SAMD5: variants seen among roughly 807,000 people sequenced by gnomAD.
SAMD5 encodes the protein sterile alpha motif domain-containing protein 5.
SAMD5 carries 13 observed loss-of-function variants against 11.3 expected under a neutral mutation model. That is an observed-to-expected ratio of 1.15 (90% confidence interval 0.75 to 1.83). SAMD5 has a LOEUF of 1.83. Ranked by LOEUF, SAMD5 falls within the 40% of genes most tolerant of loss-of-function variation. The pLI is 0.00. For missense variants in SAMD5, 255 were observed against 239.1 expected (o/e 1.07, Z -0.44); for synonymous variants, 129 against 111.3 (o/e 1.16, Z -1.00).
intron 1 of SAMD5, among the ~76,000 whole-genome samples, chr6:147,676,832 T>TAGATCTC (rs1790869801): frequency 9.8e-5 from 1 of 10,172 alleles, no homozygotes; most frequent in Non-Finnish European, 1.8e-4. Context: ...GGCCTGGGGG[T>TAGATCTC]GGGGGTGGGG....
intron 1 of SAMD5, among the ~76,000 whole-genome samples, chr6:147,650,854 G>A (rs1481366172): frequency 6.6e-6 from 1 of 152,170 alleles, no homozygotes; most frequent in Non-Finnish European, 1.5e-5. Context: ...TGCAATTTTG[G>A]TTGGAACGCA....
At chr6:147,712,294 A>T (rs569176483) in intron 1 of SAMD5, among the ~76,000 whole-genome samples, 73 of 152,336 alleles carry the variant, frequency 4.8e-4, no homozygotes, top group African/African-American at 1.6e-3. Context: ...ACATACTAGC[A>T]TCAAATGGAT....
chr6:147,646,008 GTCTATGTATCTATCTATGTA>G (rs200504509), intron 1 of SAMD5, among the ~76,000 whole-genome samples: 19,055 of 144,972 alleles, frequency 0.13, 1,491 homozygotes, highest in South Asian at 0.21. Flanking sequence ...CTGTCTGTCT[GTCTATGTATCTATCTATGTA>G]TCTATCTATC....
chr6:147,871,875 G>T, the SAMD5 span, among the ~76,000 whole-genome samples: 1 of 152,134 alleles, frequency 6.6e-6, no homozygotes, highest in Non-Finnish European at 1.5e-5. Context: ...CCAACCAGTT[G>T]TTTCTAATAT....
the SAMD5 span, among the ~76,000 whole-genome samples, chr6:147,914,588 A>G: frequency 6.6e-6 from 1 of 152,198 alleles, no homozygotes; most frequent in Non-Finnish European, 1.5e-5. Flanking sequence ...TTTTGCAGCC[A>G]TCAAAGTGAA....
chr6:147,599,245 A>T (rs1475860223), intron 1 of SAMD5, among the ~76,000 whole-genome samples: 2 of 152,244 alleles, frequency 1.3e-5, no homozygotes, highest in Non-Finnish European at 2.9e-5. Context: ...GTTTCTTGAA[A>T]GAAGCCTGAC....
Position 147,566,466 on chromosome 6 carries a change from A to G in SAMD5, c.*2010A>G. 3 of 985,678 alleles carry G rather than the reference A, an allele frequency of 3.0e-6. No individual in the cohort carries two copies. The highest frequency in any genetic ancestry group is 3.6e-6 in the Non-Finnish European group (3 of 829,828). 61.1% of individuals were successfully genotyped at this position (985,678 alleles called of 1,614,324 possible). On this transcript the variant is annotated 3_prime_UTR_variant, in exon 2 of 2. Coordinates refer to ENST00000367474, the MANE Select transcript of SAMD5 (RefSeq NM_001030060.3). Reference sequence around the variant, plus strand: ...ATTTATTTCACAGATGTACATTTGCATGTACTTGTTGAACTTTGCTAGGAA... The same window carrying G: ...ATTTATTTCACAGATGTACATTTGCGTGTACTTGTTGAACTTTGCTAGGAA...
chr6:147,641,298 A>G (rs1790308657), intron 1 of SAMD5, among the ~76,000 whole-genome samples: 1 of 152,172 alleles, frequency 6.6e-6, no homozygotes, highest in African/African-American at 2.4e-5. Flanking sequence ...CTTCGGCAGC[A>G]CATGATGAAA....
chr6:147,680,765 G>A (rs879706525), intron 1 of SAMD5, among the ~76,000 whole-genome samples: 4 of 152,060 alleles, frequency 2.6e-5, no homozygotes, highest in Non-Finnish European at 5.9e-5. Context: ...TACATTGTTG[G>A]TCATATGGTT....
chr6:147,751,723 C>G, the SAMD5 span, among the ~76,000 whole-genome samples: 1 of 152,200 alleles, frequency 6.6e-6, no homozygotes, highest in African/African-American at 2.4e-5. Context: ...TGTTCTTGTA[C>G]TAGGTGCAAA....
intron 1 of SAMD5, among the ~76,000 whole-genome samples, chr6:147,553,063 C>G (rs1487746011): frequency 6.6e-6 from 1 of 152,138 alleles, no homozygotes; most frequent in African/African-American, 2.4e-5. Flanking sequence ...TTGTATAGAA[C>G]AGGTACTGGA....
chr6:147,582,349 G>A (rs1439612414), intron 1 of SAMD5, among the ~76,000 whole-genome samples: 1 of 149,162 alleles, frequency 6.7e-6, no homozygotes, highest in Non-Finnish European at 1.5e-5. Context: ...AAAAAAAAAG[G>A]AAAGGATGGG....
At chr6:147,896,378 G>A in the SAMD5 span, among the ~76,000 whole-genome samples, 4 of 149,486 alleles carry the variant, frequency 2.7e-5, no homozygotes, top group Non-Finnish European at 5.9e-5. Flanking sequence ...TGGGGCTGGG[G>A]TTGGGGGAGC....
intron 1 of SAMD5, among the ~76,000 whole-genome samples, chr6:147,678,677 A>G (rs1273630247): frequency 6.6e-6 from 1 of 152,214 alleles, no homozygotes; most frequent in Non-Finnish European, 1.5e-5. Context: ...GTCCCAGCAT[A>G]GAGAAATAAG....
chr6:147,895,607 G>A, the SAMD5 span, among the ~76,000 whole-genome samples: 2 of 152,136 alleles, frequency 1.3e-5, no homozygotes, highest in Non-Finnish European at 2.9e-5. Context: ...CTTGAAAGCC[G>A]AGCAAATGAG....
chr6:147,908,857 A>T, the SAMD5 span, among the ~76,000 whole-genome samples: 1 of 152,154 alleles, frequency 6.6e-6, no homozygotes, highest in East Asian at 1.9e-4. Flanking sequence ...AAGCCCCAAA[A>T]GTGAATGTGT....
In SAMD5 at chr6:147,676,236, C is replaced by G. The variant is rs565714690; in HGVS notation, c.163-61081C>G. ...GGGACCATTTTGGAAACTGGCAGTA[C>G]AAACCTGTGAGAAGTCTCTCACCTC... On this transcript the variant is annotated intron_variant, in intron 1 of 1. Transcript: ENST00000566741. The G allele has an allele frequency of 1.5e-3, 235 of 152,174 alleles. 1 individual carries two copies. Among genetic ancestry groups the G allele is most frequent in the African/African-American group, 5.4e-3 (226 of 41,514 alleles). The allele number at this position is 152,174 out of a possible 1,614,324, so 9.4% of individuals were successfully genotyped here.
the SAMD5 span, among the ~76,000 whole-genome samples, chr6:147,910,681 C>T: frequency 2.0e-4 from 30 of 152,276 alleles, no homozygotes; most frequent in African/African-American, 2.6e-4. Flanking sequence ...TTACACAATA[C>T]GGTGGAGCTC....
intron 1 of SAMD5, among the ~76,000 whole-genome samples, chr6:147,601,527 T>C (rs1056014925): frequency 6.6e-6 from 1 of 151,992 alleles, no homozygotes; most frequent in Non-Finnish European, 1.5e-5. Context: ...TTTTAGAGAG[T>C]AGGAACTTTG....
Sources: allele counts gnomAD v4.1 joint callset (sites outside exome capture counted in the v4.1 genomes callset), GRCh38; gene constraint gnomAD v4.1.1; transcripts MANE v1.5; gene names NCBI Gene and HGNC (gene_info 2026-07-23, HGNC 2026-07-21).